Variants in PIGN observed in about 807,000 individuals in gnomAD.
PIGN encodes phosphatidylinositol glycan anchor biosynthesis class N.
PIGN carries 117 observed loss-of-function variants against 125.4 expected under a neutral mutation model. That is an observed-to-expected ratio of 0.93 (90% confidence interval 0.80 to 1.09). PIGN has a LOEUF of 1.09. Ranked by LOEUF, PIGN falls within the 50% of genes least tolerant of loss-of-function variation. The probability of loss-of-function intolerance (pLI) is 0.00; values close to 1 mark genes in which losing one functional copy is unlikely to be tolerated. For synonymous variants in PIGN, 392 were observed against 377.8 expected (o/e 1.04, Z -0.44); for missense variants, 1,075 against 1,094.9 (o/e 0.98, Z 0.26).
chr18:62,138,944 G>A, intron 13 of PIGN, 39 bp downstream of exon 13: 2 of 990,908 alleles, frequency 2.0e-6, no homozygotes, highest in South Asian at 1.6e-5. Context: ...TTGTAGTATT[G>A]TCCATTTTTG....
At chr18:62,037,648 G>T (rs2030278141), downstream of PIGN, among the ~76,000 whole-genome samples, 1 of 152,224 alleles carries the variant, frequency 6.6e-6, no homozygotes, top group African/African-American at 2.4e-5. Flanking sequence ...GCTTCTAAGA[G>T]CCCTAATCTT....
intron 1 of PIGN, among the ~76,000 whole-genome samples, chr18:62,179,791 A>G (rs1438015560): frequency 6.6e-6 from 1 of 152,138 alleles, no homozygotes; most frequent in East Asian, 1.9e-4. Context: ...CTGTCATTCT[A>G]CAAGATTACA....
chr18:62,152,717 A>G (rs187784179), intron 7 of PIGN, among the ~76,000 whole-genome samples: 104 of 152,198 alleles, frequency 6.8e-4, no homozygotes, highest in Non-Finnish European at 9.8e-4. Context: ...TGGATACTCA[A>G]TGTCCGGTTT....
In PIGN at chr18:62,106,859, T is replaced by C. The variant is rs540784458; in HGVS notation, c.1697A>G (p.Tyr566Cys). The C allele has an allele frequency of 4.7e-5, 76 of 1,608,806 alleles. No homozygotes were observed. The highest frequency in any genetic ancestry group is 6.2e-5 in the Non-Finnish European group (73 of 1,177,606). ...EVLVLSFFYR[Y>C]MLTAGLTAFA... ...GGCAGTAAGTCCAGCGGTAAGCATA[T>C]AGCGGTAGAAAAAACTGAGAACCTA... Residue 566 changes from tyrosine to cysteine, a missense_variant, in exon 19 of 31, where the codon TAT (tyrosine) becomes TGT (cysteine). Physicochemically the swap from Tyr to Cys is radical, Grantham distance 194. Transcript: ENST00000640252.
chr18:62,066,848 AT>A (rs1422802581), intron 30 of PIGN, among the ~76,000 whole-genome samples: 1 of 152,204 alleles, frequency 6.6e-6, no homozygotes, highest in African/African-American at 2.4e-5. Context: ...TAATTATAAT[AT>A]TCCTCATGCT....
intron 30 of PIGN, among the ~76,000 whole-genome samples, chr18:62,053,906 G>T (rs1040741611): frequency 6.6e-6 from 1 of 152,066 alleles, no homozygotes; most frequent in Non-Finnish European, 1.5e-5. Context: ...TGCCTTCTCT[G>T]ACCACAGTGG....
intron 1 of PIGN, among the ~76,000 whole-genome samples, chr18:62,178,274 G>C (rs2037595662): frequency 6.6e-6 from 1 of 151,980 alleles, no homozygotes; most frequent in African/African-American, 2.4e-5. Flanking sequence ...TCATTATGCA[G>C]TCTCCTGGTT....
chr18:62,109,445 A>G (rs2034786518), intron 17 of PIGN, among the ~76,000 whole-genome samples: 1 of 152,206 alleles, frequency 6.6e-6, no homozygotes, highest in East Asian at 1.9e-4. Flanking sequence ...TGGAAATAAA[A>G]CATGCAAATA....
chr18:62,089,776 T>C (rs980302023), intron 24 of PIGN, among the ~76,000 whole-genome samples: 1 of 152,150 alleles, frequency 6.6e-6, no homozygotes, highest in African/African-American at 2.4e-5. Context: ...GGATCAACTA[T>C]GAAAGTATTT....
chr18:62,114,749 C>G (rs2035024009), intron 14 of PIGN, 110 bp from the exon 15 acceptor site: 4 of 513,610 alleles, frequency 7.8e-6, no homozygotes, highest in Non-Finnish European at 1.3e-5. Flanking sequence ...AAACAGCAAA[C>G]AAAACAAAAA....
At chr18:62,020,828 G>C (rs1279066495) in intron 23 of PIGN, among the ~76,000 whole-genome samples, 1 of 151,798 alleles carries the variant, frequency 6.6e-6, no homozygotes, top group Non-Finnish European at 1.5e-5. Flanking sequence ...GGGCGTGGTA[G>C]CAGGCGCCTG....
chr18:62,099,095 T>C (rs542723544), intron 22 of PIGN, among the ~76,000 whole-genome samples: 1 of 152,170 alleles, frequency 6.6e-6, no homozygotes, highest in South Asian at 2.1e-4. Flanking sequence ...CTACGAGTCA[T>C]GTTAGTAAAT....
chr18:62,123,769 G>A (rs2035398264), intron 14 of PIGN, among the ~76,000 whole-genome samples: 1 of 152,096 alleles, frequency 6.6e-6, no homozygotes, highest in East Asian at 1.9e-4. Flanking sequence ...TTAACTGAAT[G>A]TTTGGTTCCT....
rs558170573 is a variant in PIGN at position 62,168,941 on chromosome 18, C to T, written c.-235-5285G>A. ...CATGATCTCAGCTCACCGCAACCTCCGCCTCCCAGGTTCAAGCAATTCTCA... is the reference window on the plus strand; with the variant it reads ...CATGATCTCAGCTCACCGCAACCTCTGCCTCCCAGGTTCAAGCAATTCTCA... On this transcript the variant is annotated intron_variant, in intron 1 of 30. Coordinates refer to ENST00000640252, the MANE Select transcript of PIGN (RefSeq NM_176787.5). Among the ~76,000 whole-genome samples, 283 of 151,376 alleles carry T rather than the reference C, an allele frequency of 1.9e-3. 1 individual carries two copies. Among genetic ancestry groups the T allele is most frequent in the African/African-American group, 6.3e-3 (259 of 41,226 alleles).
At chr18:62,094,471 A>G (rs1273966581) in intron 23 of PIGN, among the ~76,000 whole-genome samples, 1 of 152,166 alleles carries the variant, frequency 6.6e-6, no homozygotes, top group Admixed American at 6.5e-5. Context: ...CTGAAATGGT[A>G]GGTTAGAATA....
chr18:62,067,408 T>C (rs746899933), intron 30 of PIGN, among the ~76,000 whole-genome samples: 1 of 152,220 alleles, frequency 6.6e-6, no homozygotes. Flanking sequence ...GCTACATCCA[T>C]GTAACTAAAA....
intron 14 of PIGN, among the ~76,000 whole-genome samples, chr18:62,116,657 T>C (rs1878249823): frequency 6.6e-6 from 1 of 152,232 alleles, no homozygotes; most frequent in South Asian, 2.1e-4. Context: ...AATTAAATTT[T>C]AGCCTCCATG....
At chr18:62,137,198 T>C (rs563392794) in intron 14 of PIGN, 1 of 399,902 alleles carries the variant, frequency 2.5e-6, no homozygotes, top group East Asian at 3.6e-5. Flanking sequence ...GGATGCTGCT[T>C]GCACTTGAAC....
intron 1 of PIGN, among the ~76,000 whole-genome samples, chr18:62,175,779 G>C (rs2037504224): frequency 1.3e-5 from 2 of 152,152 alleles, no homozygotes; most frequent in Non-Finnish European, 2.9e-5. Context: ...TTCATTGGTG[G>C]AATGAGTATA....
Sources: gnomAD v4.1 joint callset for allele counts (sites outside exome capture counted in the v4.1 genomes callset) on GRCh38, gnomAD v4.1.1 for gene constraint, MANE v1.5 for transcripts, NCBI Gene and HGNC (gene_info 2026-07-23, HGNC 2026-07-21) for gene names.